The following ADCY8 variants were observed in gnomAD, a reference collection of about 807,000 sequenced individuals.
ADCY8 encodes the protein adenylate cyclase type 8.
In ADCY8, 51 loss-of-function variants were observed where a neutral mutation model predicts 119.7. That is an observed-to-expected ratio of 0.43 (90% CI 0.34 to 0.54). The LOEUF is 0.54. Ranked by LOEUF, ADCY8 falls within the 20% of genes least tolerant of loss-of-function variation. The pLI, the probability that ADCY8 is intolerant of heterozygous loss-of-function variation, is 0.03. For synonymous variants in ADCY8, 665 were observed against 651.0 expected (o/e 1.02, Z -0.33); for missense variants, 1,383 against 1,598.8 (o/e 0.87, Z 2.30).
In ADCY8 at chr8:130,967,751, T is replaced by C. The variant is rs112046187; in HGVS notation, c.1111-15753A>G. On this transcript the variant is annotated intron_variant, in intron 2 of 17. Transcript: ENST00000286355. ...AGGAGTGAAGATTTTCTCAGATGCCTTTATTAGCAGTTCTAAAATACATCA... is the reference window on the plus strand; with the variant it reads ...AGGAGTGAAGATTTTCTCAGATGCCCTTATTAGCAGTTCTAAAATACATCA... Among the ~76,000 whole-genome samples the C allele has an allele frequency of 1.2e-4, 18 of 152,282 alleles. 1 individual carries two copies. Among genetic ancestry groups the C allele is most frequent in the African/African-American group, 4.1e-4 (17 of 41,556 alleles).
At chr8:130,884,312 G>T (rs748826046) in intron 8 of ADCY8, among the ~76,000 whole-genome samples, 2 of 152,142 alleles carry the variant, frequency 1.3e-5, no homozygotes, top group African/African-American at 2.4e-5. Context: ...CTGAGTTAAA[G>T]GAGTCTTTGT....
Position 130,816,865 on chromosome 8 carries a change from C to G in ADCY8, c.2755-2638G>C, listed in dbSNP as rs73716628. ...AGAATTTAAATTTCTTTAATTATGT[C>G]TTGTTTTAAGTAAATAACTTTAGAA... On this transcript the variant is annotated intron_variant, in intron 13 of 17. Coordinates refer to ENST00000286355, the MANE Select transcript of ADCY8 (RefSeq NM_001115.3). 8.5e-5 allele frequency among the ~76,000 whole-genome samples: 13 copies of G among 152,260 alleles called. No individual in the cohort carries two copies. The South Asian group carries it at 2.5e-3, about 29-fold the overall frequency.
At chr8:130,908,083 T>A (rs1819849543) in intron 6 of ADCY8, among the ~76,000 whole-genome samples, 1 of 152,228 alleles carries the variant, frequency 6.6e-6, no homozygotes, top group African/African-American at 2.4e-5. Context: ...TCATTCCTTT[T>A]TATGGCTTTG....
chr8:130,825,790 T>G (rs1816651848), intron 12 of ADCY8, among the ~76,000 whole-genome samples: 1 of 152,208 alleles, frequency 6.6e-6, no homozygotes, highest in Non-Finnish European at 1.5e-5. Flanking sequence ...TTTTTACTTT[T>G]TAATTGAGCA....
chr8:130,926,700 A>T lies in ADCY8; in HGVS notation c.1481+10373T>A, dbSNP rs564347904. Among the ~76,000 whole-genome samples, 15 of 152,174 alleles carry T rather than the reference A, an allele frequency of 9.9e-5. No homozygotes were observed. In the East Asian group the frequency reaches 1.9e-3, roughly 20 times the overall value. ...TCTTTTGAATTTATTTCTCCTATCT[A>T]ATTGAAATTTTGTATCTTTTGATTA... On this transcript the variant is annotated intron_variant, in intron 5 of 17. Coordinates refer to ENST00000286355, the MANE Select transcript of ADCY8 (RefSeq NM_001115.3).
Position 130,997,573 on chromosome 8 carries a change from C to T in ADCY8, c.961-7031G>A, listed in dbSNP as rs373076843. 5.3e-5 allele frequency among the ~76,000 whole-genome samples: 8 copies of T among 152,176 alleles called. 1 individual carries two copies. In the South Asian group the frequency reaches 1.2e-3, roughly 24 times the overall value. On this transcript the variant is annotated intron_variant, in intron 1 of 17. Transcript: ENST00000286355. ...AGGTCTGGAACCAATGAGAAAAAAA[C>T]AATGCAGAAAAGACCATCCAGATAG...
Position 130,836,334 on chromosome 8 carries a change from G to A in ADCY8, c.2618C>T (p.Thr873Ile). 1 of 1,613,988 alleles carries A rather than the reference G, an allele frequency of 6.2e-7. No homozygotes were observed. The highest frequency in any genetic ancestry group is 8.5e-7 in the Non-Finnish European group (1 of 1,179,898). ...LIMIAIYALL[T>I]ETVYAGLFLR... Reference sequence around the variant, plus strand: ...AAAGAGGCCTGCGTAGACGGTCTCAGTGAGCAGGGCATAGATGGCAATCAT... The same window carrying A: ...AAAGAGGCCTGCGTAGACGGTCTCAATGAGCAGGGCATAGATGGCAATCAT... Residue 873 changes from threonine (T) to isoleucine (I), a missense_variant, in exon 12 of 18, where the codon ACT (threonine) becomes ATT (isoleucine). By Grantham distance (89) the Thr-to-Ile change is moderately conservative (BLOSUM62 -1). Transcript: ENST00000286355.
At chr8:130,935,041 C>A (rs980270581) in intron 5 of ADCY8, among the ~76,000 whole-genome samples, 6 of 152,150 alleles carry the variant, frequency 3.9e-5, no homozygotes, top group African/African-American at 1.4e-4. Context: ...AAGACTGTGA[C>A]AACTGGATAT....
chr8:131,021,732 T>C (rs113134677), intron 1 of ADCY8, among the ~76,000 whole-genome samples: 26 of 152,138 alleles, frequency 1.7e-4, no homozygotes, highest in Non-Finnish European at 3.8e-4. Context: ...GCTGCTGCCA[T>C]GTGAAGAAGG....
At chr8:130,829,003 G>T (rs1306207213) in intron 12 of ADCY8, among the ~76,000 whole-genome samples, 1 of 152,130 alleles carries the variant, frequency 6.6e-6, no homozygotes, top group Non-Finnish European at 1.5e-5. Context: ...TTTGGCTGGG[G>T]GAGCCAGGCA....
chr8:130,893,350 G>A (rs1469794113), intron 7 of ADCY8, among the ~76,000 whole-genome samples: 1 of 152,154 alleles, frequency 6.6e-6, no homozygotes, highest in African/African-American at 2.4e-5. Flanking sequence ...TTTCTGCCAG[G>A]ATTCACATGG....
Position 130,985,746 on chromosome 8 carries a change from T to C in ADCY8, c.1110+4647A>G, listed in dbSNP as rs568468719. Among the ~76,000 whole-genome samples, 13 of 152,262 alleles carry C rather than the reference T, an allele frequency of 8.5e-5. No individual in the cohort carries two copies. In the South Asian group the frequency reaches 2.7e-3, roughly 32 times the overall value. On this transcript the variant is annotated intron_variant, in intron 2 of 17. Coordinates refer to ENST00000286355, the MANE Select transcript of ADCY8 (RefSeq NM_001115.3). The stretch of plus-strand genomic sequence containing the variant: ...ACCAAAATGAATCAAACTAATCAAC[T>C]CAGAACTCAGTAGGAAACCCAGTTT...
intron 2 of ADCY8, among the ~76,000 whole-genome samples, chr8:130,956,625 C>T (rs1322857191): frequency 6.6e-6 from 1 of 152,144 alleles, no homozygotes; most frequent in Admixed American, 6.5e-5. Context: ...ATCCAAGGCC[C>T]AGAATAATGC....
In ADCY8 at chr8:130,991,556, T is replaced by C. The variant is rs141605085; in HGVS notation, c.961-1014A>G. Among the ~76,000 whole-genome samples, 187 of 152,336 alleles carry C rather than the reference T, an allele frequency of 1.2e-3. 1 individual carries two copies. Among genetic ancestry groups the C allele is most frequent in the African/African-American group, 4.3e-3 (179 of 41,576 alleles). ...GTCCAAAAGACAGACTTTCTTTTGA[T>C]TTCAATCAAGTTAATTACCTGCTAA... On this transcript the variant is annotated intron_variant, in intron 1 of 17. Coordinates refer to ENST00000286355, the MANE Select transcript of ADCY8 (RefSeq NM_001115.3).
chr8:130,845,616 A>G (rs1817272453), intron 11 of ADCY8, among the ~76,000 whole-genome samples: 1 of 152,068 alleles, frequency 6.6e-6, no homozygotes, highest in Non-Finnish European at 1.5e-5. Context: ...TCAGGGAGCC[A>G]TTGTCCCACA....
chr8:131,039,375 T>C lies in ADCY8; in HGVS notation c.959A>G (p.Gln320Arg). Residue 320 changes from glutamine to arginine, a missense_variant and splice_region_variant, in exon 1 of 18, where the codon CAG (glutamine) becomes CGG (arginine). Gln to Arg is a conservative substitution (Grantham distance 43, BLOSUM62 1). This residue lies in a region of ADCY8 where 455 missense variants were observed against 435.3 expected (regional missense o/e 1.05). Transcript: ENST00000286355. Reference sequence around the variant, plus strand: ...AAATGCAAGGCAGGCAGGAGTTACCTGGTTGATGGAAATGACCGCCAGCCG... The same window carrying C: ...AAATGCAAGGCAGGCAGGAGTTACCCGGTTGATGGAAATGACCGCCAGCCG... ...IPRLAVISIN[Q>R]VVAQAVLFMC... 6.2e-7 allele frequency: 1 copy of C among 1,611,970 alleles called. No homozygotes were observed. The highest frequency in any genetic ancestry group is 8.5e-7 in the Non-Finnish European group (1 of 1,178,344).
At chr8:130,890,750 G>A (rs1269332261) in intron 7 of ADCY8, among the ~76,000 whole-genome samples, 1 of 152,184 alleles carries the variant, frequency 6.6e-6, no homozygotes, top group African/African-American at 2.4e-5. Flanking sequence ...GTAACCTTGA[G>A]CCTTTTCTGG....
intron 7 of ADCY8, among the ~76,000 whole-genome samples, chr8:130,887,130 A>T (rs1312377218): frequency 1.3e-5 from 2 of 152,132 alleles, no homozygotes; most frequent in Admixed American, 1.3e-4. Flanking sequence ...GCAGGAATTG[A>T]TACTGGTATG....
chr8:130,977,177 C>T (rs1822098488), intron 2 of ADCY8, among the ~76,000 whole-genome samples: 1 of 152,180 alleles, frequency 6.6e-6, no homozygotes, highest in African/African-American at 2.4e-5. Flanking sequence ...TGTTTGCAAC[C>T]TCCTCCTCAG....
Sources: gnomAD v4.1 joint callset for allele counts (sites outside exome capture counted in the v4.1 genomes callset) on GRCh38, gnomAD v4.1.1 for gene constraint, gnomAD v4.1.1 regional missense constraint, MANE v1.5 for transcripts, NCBI Gene and HGNC (gene_info 2026-07-23, HGNC 2026-07-21) for gene names.